EXOC4: variants seen among roughly 807,000 people sequenced by gnomAD.
EXOC4 encodes SEC8-like 1.
A neutral mutation model predicts 107.2 loss-of-function variants in EXOC4; 71 were observed. The ratio of observed to expected loss-of-function variants is 0.66; its 90% CI spans 0.55 to 0.81. The LOEUF (loss-of-function observed/expected upper bound fraction) is 0.81. EXOC4 is among the 30% of genes least tolerant of loss of function. The pLI, the probability that EXOC4 is intolerant of heterozygous loss-of-function variation, is 0.00. For synonymous variants in EXOC4, 456 were observed against 441.2 expected (o/e 1.03, Z -0.42); for missense variants, 1,108 against 1,189.6 (o/e 0.93, Z 1.01).
At chr7:133,603,514 G>A (rs1016066745) in intron 9 of EXOC4, among the ~76,000 whole-genome samples, 2 of 152,092 alleles carry the variant, frequency 1.3e-5, no homozygotes, top group Admixed American at 6.6e-5. Flanking sequence ...ATAGCCTGTC[G>A]CTCCTGATAT....
chr7:133,755,857 G>T (rs1386150933), intron 10 of EXOC4, among the ~76,000 whole-genome samples: 1 of 152,068 alleles, frequency 6.6e-6, no homozygotes, highest in Non-Finnish European at 1.5e-5. Context: ...TGTAATCTTT[G>T]ATCTAAATAG....
rs148273074 is a variant in EXOC4, at chr7:133,610,374, G to A, written c.1418-19671G>A. ...AAACAAACAAAAGACTGAAGTTTCA[G>A]GGAAGAAACTGTCTCATAAGAAAGT... On this transcript the variant is annotated intron_variant, in intron 9 of 17. Coordinates refer to ENST00000253861, the MANE Select transcript of EXOC4 (RefSeq NM_021807.4). Among the ~76,000 whole-genome samples the A allele has an allele frequency of 9.2e-5, 14 of 152,250 alleles. No individual in the cohort carries two copies. The East Asian group carries it at 1.7e-3, about 19-fold the overall frequency.
Position 133,915,261 on chromosome 7 carries a change from CATT to C in EXOC4, c.1872-2321_1872-2319del, listed in dbSNP as rs552325904. 2.4e-3 allele frequency among the ~76,000 whole-genome samples: 363 copies of C among 151,990 alleles called. 5 individuals carry two copies. The highest frequency in any genetic ancestry group is 8.2e-3 in the African/African-American group (339 of 41,428). On this transcript the variant is annotated intron_variant, in intron 12 of 17. Transcript: ENST00000253861. ...TCATTCATTCATTCATTCATTCATT[CATT>C]CATTTTTAAAATAACAGAGGATTAG... is the stretch of plus-strand genomic sequence containing the variant.
intron 11 of EXOC4, among the ~76,000 whole-genome samples, chr7:133,833,248 A>AG: frequency 7.1e-6 from 1 of 141,146 alleles, no homozygotes; most frequent in Non-Finnish European, 1.6e-5. Context: ...CCTGAGAAGG[A>AG]AAAAAAAAAA....
chr7:133,732,592 A>G (rs185225233), intron 10 of EXOC4: 197 of 153,326 alleles, frequency 1.3e-3, no homozygotes, highest in Non-Finnish European at 2.4e-3. Context: ...TACCTTCACC[A>G]TGAAGCCCCA....
chr7:133,405,042 C>T (rs937390044), intron 7 of EXOC4, among the ~76,000 whole-genome samples: 16 of 151,926 alleles, frequency 1.1e-4, no homozygotes, highest in African/African-American at 3.9e-4. Flanking sequence ...CTACTCTACT[C>T]CAGCTTGAGT....
At chr7:134,013,923 C>T (rs993020074) in intron 17 of EXOC4, among the ~76,000 whole-genome samples, 3 of 152,040 alleles carry the variant, frequency 2.0e-5, no homozygotes, top group Admixed American at 6.5e-5. Context: ...GAAACTAGAA[C>T]CCTCATTTGC....
intron 9 of EXOC4, among the ~76,000 whole-genome samples, chr7:133,510,745 C>G (rs1799753001): frequency 6.6e-6 from 1 of 152,116 alleles, no homozygotes; most frequent in Non-Finnish European, 1.5e-5. Flanking sequence ...CCCACAGGGC[C>G]TCAAATAACT....
At chr7:133,504,897 A>G (rs149250946) in intron 9 of EXOC4, among the ~76,000 whole-genome samples, 3 of 152,200 alleles carry the variant, frequency 2.0e-5, no homozygotes, top group African/African-American at 4.8e-5. Context: ...TTAGTGGTCA[A>G]TCTATGAAAT....
intron 10 of EXOC4, among the ~76,000 whole-genome samples, chr7:133,687,191 T>A (rs1794323731): frequency 6.6e-6 from 1 of 151,908 alleles, no homozygotes. Context: ...TACTCAAAAA[T>A]GGGAGCTAAG....
At chr7:133,678,834 G>C (rs530734255) in intron 10 of EXOC4, among the ~76,000 whole-genome samples, 34 of 151,770 alleles carry the variant, frequency 2.2e-4, no homozygotes, top group Non-Finnish European at 4.0e-4. Flanking sequence ...TGCCTAGGCT[G>C]GTCTCAAACT....
At chr7:133,613,451 C>T (rs557346424) in intron 9 of EXOC4, among the ~76,000 whole-genome samples, 68 of 152,194 alleles carry the variant, frequency 4.5e-4, no homozygotes, top group African/African-American at 1.6e-3. Flanking sequence ...AAATTTCATA[C>T]GGCAGTGAGA....
At chr7:133,758,633 GTTCT>G (rs1382007294) in intron 10 of EXOC4, among the ~76,000 whole-genome samples, 1 of 152,222 alleles carries the variant, frequency 6.6e-6, no homozygotes, top group Non-Finnish European at 1.5e-5. Flanking sequence ...ATGAACACGT[GTTCT>G]TTGTTTCACT....
chr7:133,404,874 C>T (rs905169741), intron 7 of EXOC4, among the ~76,000 whole-genome samples: 1 of 74,846 alleles, frequency 1.3e-5, no homozygotes, highest in Admixed American at 1.5e-4. Context: ...CCCCTGCGCC[C>T]CCCCCCCCAA....
At chr7:133,540,629 G>A (rs1800362362) in intron 9 of EXOC4, among the ~76,000 whole-genome samples, 1 of 152,192 alleles carries the variant, frequency 6.6e-6, no homozygotes, top group South Asian at 2.1e-4. Context: ...ATGTATGTGT[G>A]TGTGTCCTGG....
At chr7:133,739,693 T>A (rs1357394258) in intron 10 of EXOC4, among the ~76,000 whole-genome samples, 1 of 152,174 alleles carries the variant, frequency 6.6e-6, no homozygotes, top group Non-Finnish European at 1.5e-5. Context: ...AGCAAAAATG[T>A]CTCTTTTAGC....
intron 9 of EXOC4, chr7:133,551,609 G>A (rs1164319595): frequency 6.6e-6 from 1 of 152,156 alleles, no homozygotes; most frequent in Non-Finnish European, 1.5e-5. Flanking sequence ...AAAGGGGGAT[G>A]TCAGTTGCTC....
chr7:133,365,928 C>T (rs765759170), intron 6 of EXOC4, among the ~76,000 whole-genome samples: 4 of 152,112 alleles, frequency 2.6e-5, no homozygotes, highest in South Asian at 4.1e-4. Flanking sequence ...AGAGCATAAT[C>T]GTAGGGAAAT....
intron 1 of EXOC4, among the ~76,000 whole-genome samples, chr7:133,256,901 C>A (rs1170322582): frequency 4.6e-5 from 7 of 151,970 alleles, no homozygotes; most frequent in Non-Finnish European, 8.8e-5. Context: ...CTCTATTTTG[C>A]TAGTATAAAG....
Sources: allele counts gnomAD v4.1 joint callset (sites outside exome capture counted in the v4.1 genomes callset), GRCh38; gene constraint gnomAD v4.1.1; transcripts MANE v1.5; gene names NCBI Gene and HGNC (gene_info 2026-07-23, HGNC 2026-07-21).